QSER1: variants seen among roughly 807,000 people sequenced by gnomAD.
The protein encoded by QSER1 is glutamine and serine rich 1, also known as glutamine and serine-rich protein 1.
A neutral mutation model predicts 158.5 loss-of-function variants in QSER1; 49 were observed. The ratio of observed to expected loss-of-function variants is 0.31; its 90% CI spans 0.25 to 0.39. QSER1 has a LOEUF of 0.39. Ranked by LOEUF, QSER1 falls within the 10% of genes least tolerant of loss-of-function variation. The pLI is 1.00. For synonymous variants in QSER1, 650 were observed against 715.5 expected, an observed-to-expected ratio of 0.91 and a Z score of 1.46; for missense variants, 1,754 against 2,010.3, an observed-to-expected ratio of 0.87 and a Z score of 2.44.
intron 1 of QSER1, among the ~76,000 whole-genome samples, chr11:32,898,482 T>TCTCACACACACACACA (rs923127515): frequency 1.4e-5 from 2 of 142,948 alleles, no homozygotes; most frequent in African/African-American, 5.2e-5. Flanking sequence ...TGAGAACCTG[T>TCTCACACACACACACA]CACACACACA....
intron 10 of QSER1, among the ~76,000 whole-genome samples, chr11:32,972,212 C>T (rs1329495844): frequency 7.2e-5 from 11 of 152,052 alleles, no homozygotes; most frequent in Non-Finnish European, 1.5e-5. Flanking sequence ...CATTCTGAAT[C>T]ATAAATATAA....
At chr11:32,970,903 T>A (rs1462605292) in intron 10 of QSER1, among the ~76,000 whole-genome samples, 1 of 151,944 alleles carries the variant, frequency 6.6e-6, no homozygotes, top group Non-Finnish European at 1.5e-5. Context: ...TCTAATTCTG[T>A]TATTAGTTAT....
intron 1 of QSER1, among the ~76,000 whole-genome samples, chr11:32,907,950 A>C (rs534802765): frequency 6.6e-6 from 1 of 152,260 alleles, no homozygotes; most frequent in Non-Finnish European, 1.5e-5. Context: ...AAAATACATA[A>C]TTAGCTGAGC....
chr11:32,922,042 T>C (rs937481049), intron 1 of QSER1, among the ~76,000 whole-genome samples: 5 of 152,186 alleles, frequency 3.3e-5, no homozygotes, highest in African/African-American at 4.8e-5. Context: ...CCATCGCACA[T>C]TGAAATTTTA....
chr11:32,942,816 C>A (rs1852263555), intron 4 of QSER1, among the ~76,000 whole-genome samples: 1 of 151,852 alleles, frequency 6.6e-6, no homozygotes, highest in Admixed American at 6.6e-5. Context: ...CTGTAAATTA[C>A]CTTGGGCAGT....
At chr11:32,930,122 T>C (rs912615396) in intron 3 of QSER1, among the ~76,000 whole-genome samples, 4 of 152,196 alleles carry the variant, frequency 2.6e-5, no homozygotes, top group Non-Finnish European at 5.9e-5. Context: ...TCTTTATTAC[T>C]GTTTACTTAT....
chr11:32,961,150 T>C (rs1274410142), intron 8 of QSER1, among the ~76,000 whole-genome samples: 7 of 152,208 alleles, frequency 4.6e-5, no homozygotes, highest in Non-Finnish European at 1.5e-5. Context: ...AGTTTGTTAT[T>C]ATATGTTATT....
intron 1 of QSER1, among the ~76,000 whole-genome samples, chr11:32,915,863 T>C (rs1256567229): frequency 1.3e-5 from 2 of 152,094 alleles, no homozygotes; most frequent in Admixed American, 6.5e-5. Context: ...CTTTTGGTAG[T>C]GTTGCGTAGT....
intron 1 of QSER1, among the ~76,000 whole-genome samples, chr11:32,918,756 G>C (rs1187197965): frequency 6.6e-6 from 1 of 152,010 alleles, no homozygotes; most frequent in Non-Finnish European, 1.5e-5. Flanking sequence ...GAAGTGATTG[G>C]AGTTAGCAAA....
chr11:32,974,266 G>A (rs933473476), intron 11 of QSER1, among the ~76,000 whole-genome samples: 3 of 151,698 alleles, frequency 2.0e-5, no homozygotes, highest in African/African-American at 7.3e-5. Context: ...ACCCTGGGGG[G>A]AGAAAAAAAA....
Position 32,950,219 on chromosome 11 carries a change from C to T in QSER1, c.4178-3638C>T, listed in dbSNP as rs1162155409. 5.9e-5 allele frequency among the ~76,000 whole-genome samples: 9 copies of T among 152,024 alleles called. No individual in the cohort carries two copies. The South Asian group carries it at 6.2e-4, about 11-fold the overall frequency. On this transcript the variant is annotated intron_variant, in intron 4 of 12. Coordinates refer to ENST00000650167, the MANE Select transcript of QSER1 (RefSeq NM_001076786.3). Reference sequence around the variant, plus strand: ...AAGCGATTCTCCTGCCTCAGCCTCCCGAGTAGCTGAGATTACAGACCCCTG... The same window carrying T: ...AAGCGATTCTCCTGCCTCAGCCTCCTGAGTAGCTGAGATTACAGACCCCTG...
chr11:32,914,178 C>A (rs1423451947), intron 1 of QSER1, among the ~76,000 whole-genome samples: 2 of 152,008 alleles, frequency 1.3e-5, no homozygotes, highest in Admixed American at 6.6e-5. Context: ...ATACTGTGTG[C>A]TAAATAAAGT....
chr11:32,913,703 T>C (rs1465103478), intron 1 of QSER1, among the ~76,000 whole-genome samples: 1 of 152,248 alleles, frequency 6.6e-6, no homozygotes, highest in Non-Finnish European at 1.5e-5. Context: ...GTTGCTGGAC[T>C]GTGCTAGTTG....
intron 10 of QSER1, among the ~76,000 whole-genome samples, chr11:32,971,237 A>C (rs758393826): frequency 2.5e-4 from 38 of 152,160 alleles, no homozygotes; most frequent in Non-Finnish European, 4.4e-4. Context: ...ATTTCAAAGC[A>C]AAATTACATA....
At position 32,934,628 on chromosome 11, in the gene QSER1, G is replaced by C. The variant is rs768995323; in HGVS notation, c.3370G>C (p.Val1124Leu). 4 of 1,613,770 alleles carry C rather than the reference G, an allele frequency of 2.5e-6. No homozygotes were observed. The highest frequency in any genetic ancestry group is 2.5e-6 in the Non-Finnish European group (3 of 1,179,988). ...ATCTGAAGAAGACAGTGAAGCTCCT[G>C]TTGATAGTACATTAAATAATAACAG... The part of the protein sequence containing the change: ...LESEEDSEAP[V>L]DSTLNNNRNQ... The change falls in exon 4 of 13, where the codon GTT becomes CTT. Residue 1124 changes from valine to leucine, a missense_variant. By Grantham distance (32) the Val-to-Leu change is conservative (BLOSUM62 1). Around this residue, in one of 2 missense-constraint regions of QSER1, gnomAD observed 1,707 missense variants for 1,919.6 expected, o/e 0.89. Transcript: ENST00000650167.
Position 32,933,098 on chromosome 11 carries a change from C to A in QSER1, c.1840C>A (p.Pro614Thr), listed in dbSNP as rs371239154. Residue 614 changes from proline (P) to threonine (T), a missense_variant, in exon 4 of 13, where the codon CCA becomes ACA. Around this residue, in one of 2 missense-constraint regions of QSER1, gnomAD observed 1,707 missense variants for 1,919.6 expected, o/e 0.89. Transcript: ENST00000650167. Reference sequence around the variant, plus strand: ...TTCTGCCTCTCGGGCTCAGAATTTGCCAGACTCTAGCCCGACCCAGAATTA... The same window carrying A: ...TTCTGCCTCTCGGGCTCAGAATTTGACAGACTCTAGCCCGACCCAGAATTA... The part of the protein sequence containing the change: ...YSSASRAQNL[P>T]DSSPTQNYIS... 3 of 1,613,748 alleles carry A rather than the reference C, an allele frequency of 1.9e-6. No individual in the cohort carries two copies. In the African/African-American group the frequency reaches 4.0e-5, roughly 22 times the overall value.
At chr11:32,960,947 ATTGAGGATTCCAGATACT>A (rs1463531614) in intron 8 of QSER1, among the ~76,000 whole-genome samples, 7 of 152,200 alleles carry the variant, frequency 4.6e-5, no homozygotes, top group Admixed American at 4.6e-4. Flanking sequence ...CTTCAAACAC[ATTGAGGATTCCAGATACT>A]TTGGTTTATG....
At chr11:32,940,863 C>G (rs1351435908) in intron 4 of QSER1, among the ~76,000 whole-genome samples, 5 of 151,914 alleles carry the variant, frequency 3.3e-5, no homozygotes, top group Non-Finnish European at 7.4e-5. Flanking sequence ...TTTAAAGAAC[C>G]AAACTACTTT....
intron 4 of QSER1, among the ~76,000 whole-genome samples, chr11:32,938,263 A>T (rs1029739336): frequency 2.6e-5 from 4 of 152,216 alleles, no homozygotes; most frequent in Admixed American, 6.5e-5. Flanking sequence ...CGTCATGCAC[A>T]ACCTGAGTCA....
Sources: allele counts gnomAD v4.1 joint callset (sites outside exome capture counted in the v4.1 genomes callset), GRCh38; gene constraint gnomAD v4.1.1; regional missense constraint gnomAD v4.1.1; transcripts MANE v1.5; gene names NCBI Gene and HGNC (gene_info 2026-07-23, HGNC 2026-07-21).